The following RNMT variants were observed in gnomAD, a reference collection of about 807,000 sequenced individuals.
The protein encoded by RNMT is RNA guanine-7 methyltransferase, also known as mRNA cap guanine-N(7) methyltransferase.
A neutral mutation model predicts 56.0 loss-of-function variants in RNMT; 27 were observed. That is an observed-to-expected ratio of 0.48 (90% CI 0.36 to 0.67). The LOEUF is 0.67. RNMT is among the 30% of genes least tolerant of loss of function. RNMT has a pLI of 0.00. For synonymous variants in RNMT, 184 were observed against 176.2 expected, an observed-to-expected ratio of 1.04 and a Z score of -0.35; for missense variants, 519 against 552.1, an observed-to-expected ratio of 0.94 and a Z score of 0.60.
intron 11 of RNMT, among the ~76,000 whole-genome samples, chr18:13,756,043 C>T (rs1235837364): frequency 6.6e-6 from 1 of 152,124 alleles, no homozygotes; most frequent in Non-Finnish European, 1.5e-5. Context: ...TAGAGGGCTT[C>T]GTGGGTTGAG....
Position 13,762,528 on chromosome 18 carries a change from T to G in RNMT, c.*2549T>G, listed in dbSNP as rs1181006748. 4.9e-6 allele frequency: 1 copy of G among 206,178 alleles called. No homozygotes were observed. Among genetic ancestry groups the G allele is most frequent in the South Asian group, 8.8e-5 (1 of 11,360 alleles). 12.8% of individuals were successfully genotyped at this position (206,178 alleles called of 1,614,324 possible). A position where few individuals can be genotyped will look rare whatever the true frequency, so the allele number is the denominator to read the frequency against. Reference sequence around the variant, plus strand: ...AATTGGCCTTCAGCTGGAGAAAACATTGGGTGGAGACTCTCACTTATGTTA... The same window carrying G: ...AATTGGCCTTCAGCTGGAGAAAACAGTGGGTGGAGACTCTCACTTATGTTA... On this transcript the variant is annotated 3_prime_UTR_variant, in exon 12 of 12. Transcript: ENST00000383314.
intron 1 of RNMT, among the ~76,000 whole-genome samples, chr18:13,728,921 C>T (rs143890926): frequency 2.0e-5 from 3 of 152,104 alleles, no homozygotes; most frequent in African/African-American, 7.2e-5. Flanking sequence ...TTCTCCCATT[C>T]TCTAGGTTAT....
At chr18:13,741,723 A>C in intron 7 of RNMT, 32 bp downstream of exon 7, 2 of 1,425,170 alleles carry the variant, frequency 1.4e-6, no homozygotes, top group East Asian at 2.3e-5. Flanking sequence ...GTGGTTTATA[A>C]AATATTCAGT....
At chr18:13,749,525 T>G (rs145993602) in intron 9 of RNMT, among the ~76,000 whole-genome samples, 5 of 152,380 alleles carry the variant, frequency 3.3e-5, no homozygotes, top group African/African-American at 1.2e-4. Flanking sequence ...CAGATATTCA[T>G]AGATCATTTT....
chr18:13,742,922 G>T, intron 8 of RNMT: 1 of 235,998 alleles, frequency 4.2e-6, no homozygotes, highest in Non-Finnish European at 8.0e-6. Flanking sequence ...AAGGGAACCA[G>T]TTGCCTTCAG....
rs949673301 is a variant in RNMT at position 13,763,075 on chromosome 18, T to C, written c.*3096T>C. 3.3e-5 allele frequency: 15 copies of C among 455,856 alleles called. No individual in the cohort carries two copies. Among genetic ancestry groups the C allele is most frequent in the African/African-American group, 2.8e-4 (14 of 50,034 alleles). 28.2% of individuals were successfully genotyped at this position (455,856 alleles called of 1,614,324 possible). A position where few individuals can be genotyped will look rare whatever the true frequency, so the allele number is the denominator to read the frequency against. ...AAATCCAGGGACCAGGCCCTAATAATAGAAGTTGTACCAAAATGCCTGTGG... is the reference window on the plus strand; with the variant it reads ...AAATCCAGGGACCAGGCCCTAATAACAGAAGTTGTACCAAAATGCCTGTGG... On this transcript the variant is annotated 3_prime_UTR_variant, in exon 12 of 12. Coordinates refer to ENST00000383314, the MANE Select transcript of RNMT (RefSeq NM_003799.3).
intron 11 of RNMT, among the ~76,000 whole-genome samples, chr18:13,755,315 A>T (rs1199471090): frequency 6.6e-6 from 1 of 152,230 alleles, no homozygotes; most frequent in Non-Finnish European, 1.5e-5. Flanking sequence ...GGATGTAGTA[A>T]TATTGATATT....
intron 9 of RNMT, among the ~76,000 whole-genome samples, chr18:13,751,582 A>G (rs1269252204): frequency 2.0e-5 from 3 of 152,240 alleles, no homozygotes; most frequent in Admixed American, 6.5e-5. Context: ...ATCTAGAACT[A>G]GAAATACCAT....
chr18:13,761,873 G>C lies in RNMT; in HGVS notation c.*1894G>C. On this transcript the variant is annotated 3_prime_UTR_variant, in exon 12 of 12. Transcript: ENST00000383314. ...CCTCCCCCCGGCCCCAAGCCCCTGT[G>C]TCTCCTTGTTACAATTAAGTTTCTG... The C allele has an allele frequency of 1.8e-6, 2 of 1,112,758 alleles. No homozygotes were observed. Among genetic ancestry groups the C allele is most frequent in the South Asian group, 6.4e-5 (2 of 31,182 alleles). 68.9% of individuals were successfully genotyped at this position (1,112,758 alleles called of 1,614,324 possible).
chr18:13,737,859 CT>C (rs1244857000), intron 5 of RNMT, among the ~76,000 whole-genome samples: 23 of 144,610 alleles, frequency 1.6e-4, no homozygotes, highest in Middle Eastern at 3.6e-3. Context: ...AGGGCAGTTC[CT>C]TTTTTTTTTC....
chr18:13,759,942 G>T lies in RNMT; in HGVS notation c.1394G>T (p.Ser465Ile). 1 of 1,607,976 alleles carries T rather than the reference G, an allele frequency of 6.2e-7. No homozygotes were observed. The highest frequency in any genetic ancestry group is 8.5e-7 in the Non-Finnish European group (1 of 1,174,952). ...TLSKSEWEAT[S>I]IYLVFAFEKQ... Reference sequence around the variant, plus strand: ...GAACTCTTATTTATTTCTTCTTTAGGTATTTACTTGGTGTTTGCCTTTGAG... The same window carrying T: ...GAACTCTTATTTATTTCTTCTTTAGTTATTTACTTGGTGTTTGCCTTTGAG... The change falls in exon 12 of 12, where the codon AGT becomes ATT. Residue 465 changes from serine to isoleucine, a missense_variant and splice_region_variant. Ser to Ile is a moderately radical substitution (Grantham distance 142, BLOSUM62 -2). Transcript: ENST00000383314.
At chr18:13,738,108 C>T (rs111347919) in intron 5 of RNMT, among the ~76,000 whole-genome samples, 171 of 152,164 alleles carry the variant, frequency 1.1e-3, no homozygotes, top group African/African-American at 3.9e-3. Context: ...GAGATACATA[C>T]CCCCACTACT....
chr18:13,747,219 AT>A (rs5823270), intron 9 of RNMT, among the ~76,000 whole-genome samples: 4,775 of 60,440 alleles, frequency 0.079, 115 homozygotes, highest in East Asian at 0.18. Flanking sequence ...TTTTTTTCCT[AT>A]TTTTTTTTTT....
chr18:13,751,596 A>C (rs1470240001), intron 9 of RNMT, among the ~76,000 whole-genome samples: 1 of 152,208 alleles, frequency 6.6e-6, no homozygotes, highest in African/African-American at 2.4e-5. Flanking sequence ...ATACCATTTG[A>C]CCCAGCAATC....
rs1406894077 is a variant in RNMT at position 13,740,147 on chromosome 18, A to G, written c.680-20A>G. The G allele has an allele frequency of 1.4e-6, 2 of 1,424,616 alleles. No individual in the cohort carries two copies. The highest frequency in any genetic ancestry group is 2.0e-6 in the Non-Finnish European group (2 of 1,008,988). 88.2% of individuals were successfully genotyped at this position (1,424,616 alleles called of 1,614,324 possible). Reference sequence around the variant, plus strand: ...TGGCATTCTGTGTTGATACTTACTAATACCCTTCCATCCTTCCAGATATTG... The same window carrying G: ...TGGCATTCTGTGTTGATACTTACTAGTACCCTTCCATCCTTCCAGATATTG... On this transcript the variant is annotated intron_variant, in intron 5 of 11. Transcript: ENST00000383314.
Position 13,761,863 on chromosome 18 carries a change from A to AACCCCCCC in RNMT, c.*1885_*1886insCCCCCCCA. On this transcript the variant is annotated 3_prime_UTR_variant, in exon 12 of 12. Transcript: ENST00000383314. ...CCTACACCCCCCTCCCCCCGGCCCC[A>AACCCCCCC]AGCCCCTGTGTCTCCTTGTTACAAT... is the stretch of plus-strand genomic sequence containing the variant. 1 of 334,476 alleles carries AACCCCCCC rather than the reference A, an allele frequency of 3.0e-6. No individual in the cohort carries two copies. Among genetic ancestry groups the AACCCCCCC allele is most frequent in the South Asian group, 7.7e-5 (1 of 12,948 alleles). 20.7% of individuals were successfully genotyped at this position (334,476 alleles called of 1,614,324 possible).
chr18:13,761,856 C>CCCCCCCCCCCCCCCCCGGG lies in RNMT; in HGVS notation c.*1877_*1878insCCCCCCCCCCCCCCCCGGG. ...CCACCACCCTACACCCCCCTCCCCC[C>CCCCCCCCCCCCCCCCCGGG]GGCCCCAAGCCCCTGTGTCTCCTTG... On this transcript the variant is annotated 3_prime_UTR_variant, in exon 12 of 12. Coordinates refer to ENST00000383314, the MANE Select transcript of RNMT (RefSeq NM_003799.3). The CCCCCCCCCCCCCCCCCGGG allele has an allele frequency of 9.0e-7, 1 of 1,109,874 alleles. No individual in the cohort carries two copies. The highest frequency in any genetic ancestry group is 1.1e-6 in the Non-Finnish European group (1 of 904,250). The allele number at this position is 1,109,874 out of a possible 1,614,324, so 68.8% of individuals were successfully genotyped here.
chr18:13,761,966 C>T lies in RNMT; in HGVS notation c.*1987C>T. 6.7e-6 allele frequency: 10 copies of T among 1,496,636 alleles called. No individual in the cohort carries two copies. In the South Asian group the frequency reaches 1.2e-4, roughly 18 times the overall value. 92.7% of individuals were successfully genotyped at this position (1,496,636 alleles called of 1,614,324 possible). On this transcript the variant is annotated 3_prime_UTR_variant, in exon 12 of 12. Coordinates refer to ENST00000383314, the MANE Select transcript of RNMT (RefSeq NM_003799.3). Reference sequence around the variant, plus strand: ...TTCCCCTGCCTATCCTCTCCGATCACCAAGGTGGAAGGGAGCTAGTAGGAC... The same window carrying T: ...TTCCCCTGCCTATCCTCTCCGATCATCAAGGTGGAAGGGAGCTAGTAGGAC...
chr18:13,757,139 A>C (rs73418747), intron 11 of RNMT, among the ~76,000 whole-genome samples: 1 of 151,218 alleles, frequency 6.6e-6, no homozygotes, highest in African/African-American at 2.5e-5. Context: ...TTAATTTAAA[A>C]ATACTTCATT....
Sources: gnomAD v4.1 joint callset for allele counts (sites outside exome capture counted in the v4.1 genomes callset) on GRCh38, gnomAD v4.1.1 for gene constraint, MANE v1.5 for transcripts, NCBI Gene and HGNC (gene_info 2026-07-23, HGNC 2026-07-21) for gene names.